Variants in RGS7 observed in about 807,000 individuals in gnomAD.
RGS7 encodes regulator of G protein signaling 7.
RGS7 carries 27 observed loss-of-function variants against 81.1 expected under a neutral mutation model. The observed-to-expected ratio is 0.33, with a 90% CI of 0.25 to 0.46. The LOEUF (loss-of-function observed/expected upper bound fraction) is 0.46. Among genes scored for constraint, RGS7 ranks in the 20% least tolerant of loss-of-function variants. RGS7 has a pLI of 1.00. For missense variants in RGS7, 396 were observed against 607.4 expected, an observed-to-expected ratio of 0.65 and a Z score of 3.66; for synonymous variants, 208 against 207.7, an observed-to-expected ratio of 1.00 and a Z score of -0.01.
intron 18 of RGS7, among the ~76,000 whole-genome samples, chr1:240,791,399 G>T (rs527979031): frequency 2.0e-5 from 3 of 152,244 alleles, no homozygotes; most frequent in Admixed American, 6.5e-5. Flanking sequence ...AATTTACCAA[G>T]GTGTCTGTAG....
intron 3 of RGS7, among the ~76,000 whole-genome samples, chr1:241,064,706 G>A (rs999450168): frequency 2.0e-4 from 31 of 151,840 alleles, no homozygotes; most frequent in Admixed American, 2.0e-3. Context: ...GACCAGTCGG[G>A]CAACATAAGA....
chr1:241,028,186 A>T (rs1304150085), intron 3 of RGS7, among the ~76,000 whole-genome samples: 1 of 152,212 alleles, frequency 6.6e-6, no homozygotes. Context: ...TGTTGTAGTT[A>T]CATAAATTCC....
At chr1:241,106,754 A>AC (rs1156936703) in intron 2 of RGS7, among the ~76,000 whole-genome samples, 15 of 137,262 alleles carry the variant, frequency 1.1e-4, no homozygotes, top group South Asian at 4.7e-4. Context: ...CACCACCACC[A>AC]CACACACACA....
At chr1:240,964,533 G>C (rs1681984713) in intron 4 of RGS7, among the ~76,000 whole-genome samples, 1 of 152,168 alleles carries the variant, frequency 6.6e-6, no homozygotes, top group South Asian at 2.1e-4. Flanking sequence ...GTGAGTTGTA[G>C]TGTCTGATCG....
chr1:240,885,795 G>A (rs148086553), intron 6 of RGS7, among the ~76,000 whole-genome samples: 2,436 of 152,144 alleles, frequency 0.016, 27 homozygotes, highest in Non-Finnish European at 0.022. Context: ...ATTAAGTATT[G>A]GGTACCAGGC....
chr1:240,933,010 A>T lies in RGS7; in HGVS notation c.334-2242T>A, dbSNP rs570067258. Among the ~76,000 whole-genome samples, 20 of 145,702 alleles carry T rather than the reference A, an allele frequency of 1.4e-4. No homozygotes were observed. In the South Asian group the frequency reaches 3.1e-3, roughly 22 times the overall value. Reference sequence around the variant, plus strand: ...GCCATTCTCCTGCCTCAGCCTCCCGAGTAGCTGGGACTACAGGCGCCCGCA... The same window carrying T: ...GCCATTCTCCTGCCTCAGCCTCCCGTGTAGCTGGGACTACAGGCGCCCGCA... On this transcript the variant is annotated intron_variant, in intron 5 of 18. Coordinates refer to ENST00000440928, the MANE Select transcript of RGS7 (RefSeq NM_001364886.1).
intron 3 of RGS7, among the ~76,000 whole-genome samples, chr1:241,010,633 A>G (rs2058911237): frequency 6.6e-6 from 1 of 152,264 alleles, no homozygotes; most frequent in Non-Finnish European, 1.5e-5. Flanking sequence ...ATAGATCAAA[A>G]GCATAACTTC....
chr1:240,885,568 GAGAA>G (rs1667209393), intron 6 of RGS7, among the ~76,000 whole-genome samples: 1 of 152,200 alleles, frequency 6.6e-6, no homozygotes, highest in Admixed American at 6.5e-5. Flanking sequence ...ATGCAGCCAT[GAGAA>G]AGAATGAGAT....
At chr1:241,047,529 A>G (rs186495574) in intron 3 of RGS7, among the ~76,000 whole-genome samples, 13 of 152,236 alleles carry the variant, frequency 8.5e-5, no homozygotes, top group Admixed American at 5.9e-4. Context: ...AACCTTTATT[A>G]TACTCTCTAA....
chr1:240,816,211 G>A, intron 11 of RGS7, 106 bp downstream of exon 11: 1 of 775,978 alleles, frequency 1.3e-6, no homozygotes, highest in Non-Finnish European at 2.4e-6. Context: ...GAAACAGTCA[G>A]TCATACAAAT....
intron 6 of RGS7, among the ~76,000 whole-genome samples, chr1:240,927,385 G>A (rs1674640719): frequency 6.6e-6 from 1 of 152,090 alleles, no homozygotes; most frequent in South Asian, 2.1e-4. Context: ...TCTTTAACCT[G>A]CCTTATGCAA....
At chr1:241,236,639 G>A (rs2075994063) in intron 2 of RGS7, among the ~76,000 whole-genome samples, 1 of 152,140 alleles carries the variant, frequency 6.6e-6, no homozygotes, top group Non-Finnish European at 1.5e-5. Flanking sequence ...GGTTTAATCT[G>A]ACAGAATATA....
chr1:241,261,031 C>A (rs1434623951), intron 2 of RGS7, among the ~76,000 whole-genome samples: 1 of 151,620 alleles, frequency 6.6e-6, no homozygotes, highest in Non-Finnish European at 1.5e-5. Context: ...ATGTAACTAA[C>A]CTGCACAATG....
intron 9 of RGS7, among the ~76,000 whole-genome samples, chr1:240,837,128 G>A (rs528015448): frequency 4.3e-4 from 66 of 152,292 alleles, no homozygotes; most frequent in Admixed American, 1.4e-3. Flanking sequence ...TACCTAAAAT[G>A]TTCCCAGTTA....
At chr1:241,270,543 G>A (rs2077822827) in intron 2 of RGS7, among the ~76,000 whole-genome samples, 1 of 152,068 alleles carries the variant, frequency 6.6e-6, no homozygotes, top group African/African-American at 2.4e-5. Context: ...CACAAAAACT[G>A]AAGCGGTTTT....
intron 6 of RGS7, chr1:240,920,104 T>A (rs1351129124): frequency 1.1e-6 from 1 of 915,112 alleles, no homozygotes; most frequent in Non-Finnish European, 1.8e-6. Flanking sequence ...GCCTTTGTAA[T>A]CTTTGATGAC....
At chr1:241,099,379 T>C (rs1353591275) in intron 2 of RGS7, among the ~76,000 whole-genome samples, 2 of 152,008 alleles carry the variant, frequency 1.3e-5, no homozygotes, top group Non-Finnish European at 2.9e-5. Flanking sequence ...CATGCACATG[T>C]ACACACACAC....
At chr1:240,920,534 C>T (rs755702166) in intron 6 of RGS7, 17 of 851,918 alleles carry the variant, frequency 2.0e-5, no homozygotes, top group Non-Finnish European at 3.4e-5. Context: ...GAGGCCAATA[C>T]TTTGTCAAAC....
intron 2 of RGS7, among the ~76,000 whole-genome samples, chr1:241,235,637 CT>C (rs1052559099): frequency 1.0e-5 from 1 of 97,770 alleles, no homozygotes; most frequent in African/African-American, 3.9e-5. Flanking sequence ...TCTCTTTTTT[CT>C]TTTTTCTCAT....
Sources: allele counts gnomAD v4.1 joint callset (sites outside exome capture counted in the v4.1 genomes callset), GRCh38; gene constraint gnomAD v4.1.1; transcripts MANE v1.5; gene names NCBI Gene and HGNC (gene_info 2026-07-23, HGNC 2026-07-21).